Variants in PHLPP1 observed in about 807,000 individuals in gnomAD.
The protein encoded by PHLPP1 is PH domain leucine-rich repeat-containing protein phosphatase 1.
A neutral mutation model predicts 117.2 loss-of-function variants in PHLPP1; 42 were observed. The ratio of observed to expected loss-of-function variants is 0.36; its 90% CI spans 0.28 to 0.46. The LOEUF (loss-of-function observed/expected upper bound fraction) is 0.46. Ranked by LOEUF, PHLPP1 falls within the 20% of genes least tolerant of loss-of-function variation. PHLPP1 has a pLI of 1.00. For synonymous variants in PHLPP1, 1,042 were observed against 970.7 expected (o/e 1.07, Z -1.37); for missense variants, 2,084 against 2,241.9 (o/e 0.93, Z 1.42).
intron 1 of PHLPP1, 90 bp downstream of exon 1, chr18:62,717,349 A>G (rs1910789489): frequency 1.3e-6 from 2 of 1,493,742 alleles, no homozygotes; most frequent in African/African-American, 1.4e-5. Flanking sequence ...GCCCAACCCA[A>G]GAGTAAGTGC....
At chr18:62,781,303 T>C (rs367962999) in intron 1 of PHLPP1, among the ~76,000 whole-genome samples, 62 of 152,330 alleles carry the variant, frequency 4.1e-4, no homozygotes, top group African/African-American at 1.3e-3. Flanking sequence ...TGATGTGGCT[T>C]TGGACAAATT....
At chr18:62,930,752 T>G (rs1162922036) in intron 10 of PHLPP1, among the ~76,000 whole-genome samples, 1 of 152,196 alleles carries the variant, frequency 6.6e-6, no homozygotes, top group Non-Finnish European at 1.5e-5. Context: ...TTCTTATCTA[T>G]GCACAGAACA....
rs965722964 is a variant in PHLPP1 at position 62,733,637 on chromosome 18, T to C, written c.1576+16378T>C. ...ATTGTCTAGGATCCCTTGAATTACT[T>C]ACCAATTTGAGGGCATGTTTGTGGA... On this transcript the variant is annotated intron_variant, in intron 1 of 16. Coordinates refer to ENST00000262719, the MANE Select transcript of PHLPP1 (RefSeq NM_194449.4). Among the ~76,000 whole-genome samples the C allele has an allele frequency of 6.6e-4, 100 of 152,330 alleles. 1 individual carries two copies. The highest frequency in any genetic ancestry group is 2.4e-3 in the African/African-American group (98 of 41,578).
intron 3 of PHLPP1, among the ~76,000 whole-genome samples, chr18:62,849,274 A>C (rs1915260869): frequency 6.6e-6 from 1 of 152,202 alleles, no homozygotes; most frequent in African/African-American, 2.4e-5. Context: ...TCAGGAATTT[A>C]GCGTATATGA....
intron 4 of PHLPP1, among the ~76,000 whole-genome samples, chr18:62,881,983 G>A (rs1599100239): frequency 6.6e-6 from 1 of 152,210 alleles, no homozygotes; most frequent in Non-Finnish European, 1.5e-5. Flanking sequence ...CACCACAGAT[G>A]AGTCCGAAAG....
At chr18:62,752,581 G>A (rs1192344749) in intron 1 of PHLPP1, among the ~76,000 whole-genome samples, 1 of 152,202 alleles carries the variant, frequency 6.6e-6, no homozygotes, top group Non-Finnish European at 1.5e-5. Flanking sequence ...ATAAAGATGA[G>A]TGTAGATGGA....
chr18:62,902,387 G>A (rs1182704355), intron 6 of PHLPP1, among the ~76,000 whole-genome samples: 1 of 152,314 alleles, frequency 6.6e-6, no homozygotes, highest in African/African-American at 2.4e-5. Context: ...TGGGAGTCAT[G>A]TACTTGCATT....
At chr18:62,832,886 A>G (rs956005886) in intron 2 of PHLPP1, among the ~76,000 whole-genome samples, 2 of 152,144 alleles carry the variant, frequency 1.3e-5, no homozygotes, top group Non-Finnish European at 2.9e-5. Context: ...GTCATAACCT[A>G]GTTAGAATTG....
At position 62,979,066 on chromosome 18, in the gene PHLPP1, A is replaced by T; in HGVS notation, c.4789A>T (p.Ile1597Phe). ...AGAGGCCAGTGATGAGGGCATTGTC[A>T]TCAGCGCCAACGAGGATGAGCCAGG... ...PAEASDEGIV[I>F]SANEDEPGLP... The change falls in exon 17 of 17, where the codon ATC becomes TTC. Residue 1597 changes from isoleucine (I) to phenylalanine (F), a missense_variant. This residue lies in a region of PHLPP1 where 1,365 missense variants were observed against 1,605.9 expected (regional missense o/e 0.85). Transcript: ENST00000262719. The T allele has an allele frequency of 6.2e-7, 1 of 1,613,906 alleles. No homozygotes were observed. The highest frequency in any genetic ancestry group is 8.5e-7 in the Non-Finnish European group (1 of 1,179,840).
chr18:62,905,811 CT>C (rs2077342181), intron 8 of PHLPP1, among the ~76,000 whole-genome samples: 1 of 152,086 alleles, frequency 6.6e-6, no homozygotes, highest in African/African-American at 2.4e-5. Context: ...TTCTTAGCTC[CT>C]TTTTGAATAT....
At position 62,860,571 on chromosome 18, in the gene PHLPP1, C is replaced by T; in HGVS notation, c.2036C>T (p.Pro679Leu). ...QNFLRQNPSL[P>L]AARGLNELQR... ...TTCCTAAGGCAGAACCCTAGCCTTCCAGCTGCCAGGGGGCTTAATGAACTG... is the reference window on the plus strand; with the variant it reads ...TTCCTAAGGCAGAACCCTAGCCTTCTAGCTGCCAGGGGGCTTAATGAACTG... The change falls in exon 4 of 17, where the codon CCA becomes CTA. Residue 679 changes from proline to leucine, a missense_variant. By Grantham distance (98) the Pro-to-Leu change is moderately conservative. Around this residue, in one of 2 missense-constraint regions of PHLPP1, gnomAD observed 1,365 missense variants for 1,605.9 expected, o/e 0.85. Transcript: ENST00000262719. 1.2e-6 allele frequency: 2 copies of T among 1,613,340 alleles called. No individual in the cohort carries two copies. The highest frequency in any genetic ancestry group is 1.7e-6 in the Non-Finnish European group (2 of 1,179,632).
At chr18:62,854,945 C>T (rs1174291892) in intron 3 of PHLPP1, among the ~76,000 whole-genome samples, 1 of 152,146 alleles carries the variant, frequency 6.6e-6, no homozygotes, top group Admixed American at 6.5e-5. Flanking sequence ...GATCCACCCA[C>T]CTCGGCCTCC....
At chr18:62,969,969 A>T (rs571351799) in intron 14 of PHLPP1, among the ~76,000 whole-genome samples, 1 of 152,260 alleles carries the variant, frequency 6.6e-6, no homozygotes, top group East Asian at 1.9e-4. Flanking sequence ...AATTATTGAT[A>T]TGGTTAGGTT....
chr18:62,952,046 C>T (rs1910476787), intron 12 of PHLPP1, among the ~76,000 whole-genome samples: 1 of 151,948 alleles, frequency 6.6e-6, no homozygotes, highest in Admixed American at 6.6e-5. Flanking sequence ...TCTCGATCTC[C>T]TGACCTCATG....
intron 1 of PHLPP1, among the ~76,000 whole-genome samples, chr18:62,719,186 G>A (rs532376194): frequency 1.1e-4 from 16 of 152,214 alleles, no homozygotes; most frequent in African/African-American, 3.9e-4. Context: ...AGATGTGTGG[G>A]GGTGCCACAC....
chr18:62,899,750 G>T (rs984090154), intron 6 of PHLPP1, among the ~76,000 whole-genome samples: 2 of 152,132 alleles, frequency 1.3e-5, no homozygotes, highest in African/African-American at 2.4e-5. Flanking sequence ...GGTCATTAGA[G>T]CCTTGATCTC....
intron 12 of PHLPP1, among the ~76,000 whole-genome samples, chr18:62,948,324 C>CA (rs1206430736): frequency 8.0e-4 from 116 of 144,834 alleles, no homozygotes; most frequent in African/African-American, 2.0e-3. Context: ...GACTTCATCT[C>CA]AAAAAAAAAA....
At chr18:62,828,243 G>A (rs958396054) in intron 1 of PHLPP1, among the ~76,000 whole-genome samples, 2 of 152,058 alleles carry the variant, frequency 1.3e-5, no homozygotes, top group Admixed American at 6.6e-5. Flanking sequence ...TGGAAACCCC[G>A]GCATCTTCCT....
At chr18:62,746,349 C>CT (rs780453474) in intron 1 of PHLPP1, among the ~76,000 whole-genome samples, 11 of 152,276 alleles carry the variant, frequency 7.2e-5, no homozygotes, top group Non-Finnish European at 1.3e-4. Flanking sequence ...CCGGCCAAAA[C>CT]TAATTTTTTA....
Sources: allele counts gnomAD v4.1 joint callset (sites outside exome capture counted in the v4.1 genomes callset), GRCh38; gene constraint gnomAD v4.1.1; regional missense constraint gnomAD v4.1.1; transcripts MANE v1.5; gene names NCBI Gene and HGNC (gene_info 2026-07-23, HGNC 2026-07-21).